C4orf50: variants seen among roughly 807,000 people sequenced by gnomAD.
C4orf50 encodes chromosome 4 open reading frame 50, also known as uncharacterized protein C4orf50.
In C4orf50, 80 loss-of-function variants were observed where a neutral mutation model predicts 77.2. That is an observed-to-expected ratio of 1.04 (90% CI 0.87 to 1.25). C4orf50 has a LOEUF of 1.25. Among genes scored for constraint, C4orf50 ranks in the 50% most tolerant of loss-of-function variants. The probability of loss-of-function intolerance (pLI) is 0.00; values close to 1 mark genes in which losing one functional copy is unlikely to be tolerated. For synonymous variants in C4orf50, 532 were observed against 465.3 expected (o/e 1.14, Z -1.84); for missense variants, 1,257 against 1,152.9 (o/e 1.09, Z -1.31).
In C4orf50 at chr4:5,970,590, A is replaced by C. The variant is rs112293137; in HGVS notation, c.4104+3069T>G. 9.5e-3 allele frequency among the ~76,000 whole-genome samples: 1,444 copies of C among 152,322 alleles called. 24 individuals carry two copies. The highest frequency in any genetic ancestry group is 0.032 in the African/African-American group (1,350 of 41,580). ...CCCCAGCCCAACACCACATGCCTGCAGAAAGGGCACTGGGGCCAAACCGAC... is the reference window on the plus strand; with the variant it reads ...CCCCAGCCCAACACCACATGCCTGCCGAAAGGGCACTGGGGCCAAACCGAC... On this transcript the variant is annotated intron_variant, in intron 31 of 33. Transcript: ENST00000531445. This position sits in a 1 kb window ranked among gnomAD's most constrained non-coding sequence, Gnocchi z 4.3.
chr4:5,966,271 T>C (rs1156809114), intron 32 of C4orf50, among the ~76,000 whole-genome samples: 1 of 150,964 alleles, frequency 6.6e-6, no homozygotes, highest in Non-Finnish European at 1.5e-5. Context: ...AGGTCAGGAG[T>C]TCAAGACCAG....
intron 28 of C4orf50, among the ~76,000 whole-genome samples, chr4:5,986,591 T>C (rs934003069): frequency 2.0e-5 from 3 of 149,886 alleles, no homozygotes; most frequent in African/African-American, 4.9e-5. Context: ...CAGGCTGGAG[T>C]GCAGTGGCAC....
intron 7 of C4orf50, among the ~76,000 whole-genome samples, chr4:5,930,587 C>T (rs1358558576): frequency 2.6e-5 from 4 of 152,238 alleles, no homozygotes; most frequent in Non-Finnish European, 4.4e-5. Flanking sequence ...TCCCGTGTCT[C>T]ACTGTGGGCG....
At chr4:6,001,562 C>T (rs1015744190) in intron 25 of C4orf50, among the ~76,000 whole-genome samples, 4 of 152,280 alleles carry the variant, frequency 2.6e-5, no homozygotes, top group Middle Eastern at 3.4e-3. Context: ...GTGTCCTAAA[C>T]GAGCCAAGAA....
At position 5,997,468 on chromosome 4, in the gene C4orf50, G is replaced by A. The variant is rs574972754; in HGVS notation, c.964-2992C>T. On this transcript the variant is annotated intron_variant, in intron 25 of 33. Coordinates refer to ENST00000531445, the Ensembl canonical transcript of C4orf50. Reference sequence around the variant, plus strand: ...CCGATGAAGGCAGTACTCAGAGAGGGTGAGTCACTTGTCCAAGGTCACACA... The same window carrying A: ...CCGATGAAGGCAGTACTCAGAGAGGATGAGTCACTTGTCCAAGGTCACACA... Among the ~76,000 whole-genome samples, 4 of 152,334 alleles carry A rather than the reference G, an allele frequency of 2.6e-5. No individual in the cohort carries two copies. In the South Asian group the frequency reaches 8.3e-4, roughly 32 times the overall value.
intron 7 of C4orf50, among the ~76,000 whole-genome samples, chr4:5,926,771 C>T (rs1278599770): frequency 3.3e-5 from 5 of 152,158 alleles, no homozygotes; most frequent in Admixed American, 2.6e-4. Flanking sequence ...GCCCACCCTG[C>T]CTGCATGACC....
At chr4:5,935,418 T>A (rs182509309) in intron 7 of C4orf50, among the ~76,000 whole-genome samples, 27 of 152,284 alleles carry the variant, frequency 1.8e-4, no homozygotes, top group African/African-American at 5.1e-4. Flanking sequence ...CTATATCTCA[T>A]GGGAATTTGG....
chr4:5,975,981 A>C (rs1242145982), intron 29 of C4orf50, 26 bp from the exon 8 acceptor site: 1 of 1,598,926 alleles, frequency 6.3e-7, no homozygotes, highest in Non-Finnish European at 8.6e-7. Context: ...CATTTTTGAC[A>C]ACACTGCACT....
intron 28 of C4orf50, among the ~76,000 whole-genome samples, chr4:5,982,703 G>A (rs1720658171): frequency 1.3e-5 from 2 of 152,088 alleles, no homozygotes; most frequent in Non-Finnish European, 2.9e-5. Context: ...TATCATTGAA[G>A]GCAGAGTTGG....
chr4:5,908,434 A>T lies in C4orf50; in HGVS notation c.*2475-10246T>A, dbSNP rs1204943527. Among the ~76,000 whole-genome samples the T allele has an allele frequency of 6.6e-6, 1 of 152,048 alleles. No homozygotes were observed. The highest frequency in any genetic ancestry group is 1.5e-5 in the Non-Finnish European group (1 of 68,004). ...CTCTGTGATGTGACGATTCTATAAA[A>T]CCACAGGAGGCATTCATATGTCCTG... On this transcript the variant is annotated intron_variant, in intron 7 of 7. Coordinates refer to the C4orf50 transcript ENST00000324058. This position sits in a 1 kb window ranked among gnomAD's most constrained non-coding sequence, Gnocchi z 5.6.
chr4:5,947,356 C>T (rs1718528591), intron 7 of C4orf50, among the ~76,000 whole-genome samples: 3 of 152,164 alleles, frequency 2.0e-5, no homozygotes, highest in South Asian at 2.1e-4. Context: ...ACTCAATGCC[C>T]TTGGCCCTGG....
intron 7 of C4orf50, chr4:5,899,534 GC>G (rs1716257892): frequency 6.6e-6 from 1 of 152,210 alleles, no homozygotes; most frequent in African/African-American, 2.4e-5. Flanking sequence ...GAGTTACAAA[GC>G]CAACTCATGG....
intron 33 of C4orf50, among the ~76,000 whole-genome samples, chr4:5,962,520 A>T (rs1719326242): frequency 6.6e-6 from 1 of 152,202 alleles, no homozygotes. Context: ...TTGTTCTCAC[A>T]CTGAGCTCCA....
At chr4:5,977,800 AG>A (rs1486557519) in intron 29 of C4orf50, among the ~76,000 whole-genome samples, 4 of 152,388 alleles carry the variant, frequency 2.6e-5, no homozygotes, top group Non-Finnish European at 5.9e-5. Flanking sequence ...GCTTCAGTTT[AG>A]GAAATAACAT....
At chr4:6,016,287 G>C (rs145692866) in intron 23 of C4orf50, among the ~76,000 whole-genome samples, 2 of 152,154 alleles carry the variant, frequency 1.3e-5, no homozygotes, top group African/African-American at 2.4e-5. Context: ...GGTGGCTCAC[G>C]TCTATAATCC....
intron 29 of C4orf50, among the ~76,000 whole-genome samples, chr4:5,976,198 CA>C (rs908358619): frequency 7.2e-5 from 11 of 151,950 alleles, no homozygotes; most frequent in African/African-American, 2.7e-4. Context: ...GTAATCCCAG[CA>C]CTTTGGGAGG....
At chr4:5,959,248 G>T (rs149605958) in exon 34 of C4orf50, 4 of 1,153,018 alleles carry the variant, frequency 3.5e-6, no homozygotes, top group South Asian at 3.1e-5. Flanking sequence ...TCCCAAAGCC[G>T]AAGGCAAAAC....
chr4:5,926,237 G>C (rs1254167062), intron 7 of C4orf50, among the ~76,000 whole-genome samples: 1 of 152,222 alleles, frequency 6.6e-6, no homozygotes, highest in East Asian at 1.9e-4. Context: ...CATCTATCCA[G>C]GGGAACATTA....
At chr4:5,921,347 G>A (rs768931921) in intron 7 of C4orf50, among the ~76,000 whole-genome samples, 21 of 152,322 alleles carry the variant, frequency 1.4e-4, no homozygotes, top group Non-Finnish European at 2.6e-4. Flanking sequence ...CCAGTCAGGC[G>A]GTGGGCTGGG....
Sources: allele counts gnomAD v4.1 joint callset (sites outside exome capture counted in the v4.1 genomes callset), GRCh38; gene constraint gnomAD v4.1.1; non-coding constraint Gnocchi (gnomAD v3.1); transcripts MANE v1.5; gene names NCBI Gene and HGNC (gene_info 2026-07-23, HGNC 2026-07-21).